TRAPPC9: variants seen among roughly 807,000 people sequenced by gnomAD.
TRAPPC9 encodes the protein trafficking protein particle complex subunit 9.
A neutral mutation model predicts 124.0 loss-of-function variants in TRAPPC9; 83 were observed. That is an observed-to-expected ratio of 0.67 (90% CI 0.56 to 0.80). The LOEUF (loss-of-function observed/expected upper bound fraction) is 0.80. Among genes scored for constraint, TRAPPC9 ranks in the 30% least tolerant of loss-of-function variants. The pLI is 0.00. For synonymous variants in TRAPPC9, 638 were observed against 617.5 expected, an observed-to-expected ratio of 1.03 and a Z score of -0.49; for missense variants, 1,302 against 1,508.3, an observed-to-expected ratio of 0.86 and a Z score of 2.27.
chr8:139,985,397 C>A (rs957167002), intron 19 of TRAPPC9, among the ~76,000 whole-genome samples: 1 of 152,208 alleles, frequency 6.6e-6, no homozygotes, highest in African/African-American at 2.4e-5. Context: ...TGACAGTTCC[C>A]TATGCAGCAG....
intron 19 of TRAPPC9, among the ~76,000 whole-genome samples, chr8:139,988,105 C>CT (rs773534032): frequency 0.019 from 2,164 of 114,470 alleles, 78 homozygotes; most frequent in African/African-American, 0.054. Flanking sequence ...GATACCACCT[C>CT]TTTTTTTTTT....
At chr8:139,749,428 CAT>C (rs1819167289) in intron 21 of TRAPPC9, among the ~76,000 whole-genome samples, 1 of 152,222 alleles carries the variant, frequency 6.6e-6, no homozygotes, top group Non-Finnish European at 1.5e-5. Context: ...CCCATTGTCA[CAT>C]GAGAGCAATG....
intron 19 of TRAPPC9, among the ~76,000 whole-genome samples, chr8:139,961,480 A>C (rs1215482777): frequency 8.1e-6 from 1 of 123,210 alleles, no homozygotes; most frequent in African/African-American, 2.6e-5. Context: ...GCCCCACCCT[A>C]CTGGGCAGGG....
chr8:139,739,692 G>A (rs758978468), intron 21 of TRAPPC9, among the ~76,000 whole-genome samples: 1 of 152,208 alleles, frequency 6.6e-6, no homozygotes, highest in South Asian at 2.1e-4. Flanking sequence ...CCAGCCACTC[G>A]GCCACATTCA....
At chr8:139,835,852 A>G (rs1239299871) in intron 21 of TRAPPC9, among the ~76,000 whole-genome samples, 1 of 152,180 alleles carries the variant, frequency 6.6e-6, no homozygotes, top group East Asian at 1.9e-4. Flanking sequence ...CAGAGAGTGC[A>G]AGAATCACCA....
At chr8:139,831,805 G>C (rs905970867) in intron 21 of TRAPPC9, among the ~76,000 whole-genome samples, 2 of 152,250 alleles carry the variant, frequency 1.3e-5, no homozygotes, top group Admixed American at 6.5e-5. Flanking sequence ...GGCCCAGGGG[G>C]ATGGACGTGC....
intron 19 of TRAPPC9, among the ~76,000 whole-genome samples, chr8:139,921,874 G>T (rs1418633842): frequency 6.6e-6 from 1 of 150,664 alleles, no homozygotes; most frequent in Non-Finnish European, 1.5e-5. Flanking sequence ...GCGTCTGGGA[G>T]TGCACACCTG....
chr8:140,202,487 CA>C (rs1405103465), intron 17 of TRAPPC9, among the ~76,000 whole-genome samples: 28 of 152,152 alleles, frequency 1.8e-4, no homozygotes, highest in Admixed American at 8.5e-4. Flanking sequence ...TAAATAGCCC[CA>C]GTGGTTGAGC....
Position 140,159,049 on chromosome 8 carries a change from G to A in TRAPPC9, c.2556+62410C>T, listed in dbSNP as rs865811117. Among the ~76,000 whole-genome samples the A allele has an allele frequency of 9.2e-5, 14 of 152,266 alleles. No homozygotes were observed. The South Asian group carries it at 1.5e-3, about 16-fold the overall frequency. On this transcript the variant is annotated intron_variant, in intron 17 of 22. Transcript: ENST00000438773. The stretch of plus-strand genomic sequence containing the variant: ...GTAAGACAGAGTCTCTGCCCTTGGC[G>A]GAAGTTCCCTGCCAGGGACGGACCC...
chr8:140,315,642 A>G (rs2066424138), intron 9 of TRAPPC9, among the ~76,000 whole-genome samples: 1 of 152,192 alleles, frequency 6.6e-6, no homozygotes, highest in Admixed American at 6.5e-5. Context: ...TTATTTTACA[A>G]TGATCTGTGA....
intron 21 of TRAPPC9, among the ~76,000 whole-genome samples, chr8:139,848,892 A>G (rs1169135435): frequency 3.3e-5 from 5 of 152,196 alleles, no homozygotes; most frequent in African/African-American, 1.2e-4. Context: ...ACCGTGCCAT[A>G]TGAGGCTAGA....
chr8:139,947,736 C>T (rs925380478), intron 19 of TRAPPC9, among the ~76,000 whole-genome samples: 5 of 150,506 alleles, frequency 3.3e-5, no homozygotes, highest in East Asian at 1.9e-4. Flanking sequence ...GTCATGGTGG[C>T]GGGCACCTGT....
At chr8:140,149,763 A>T (rs2061515966) in intron 17 of TRAPPC9, among the ~76,000 whole-genome samples, 1 of 152,182 alleles carries the variant, frequency 6.6e-6, no homozygotes, top group Admixed American at 6.5e-5. Context: ...GGTTCCAGGC[A>T]AATATTTACT....
intron 17 of TRAPPC9, among the ~76,000 whole-genome samples, chr8:140,208,105 G>A (rs1179325482): frequency 1.3e-5 from 2 of 150,626 alleles, no homozygotes; most frequent in African/African-American, 4.9e-5. Flanking sequence ...TGCCGAGATC[G>A]CACCGTTGCA....
chr8:139,791,581 G>GAC (rs137877446), intron 21 of TRAPPC9, among the ~76,000 whole-genome samples: 58 of 141,776 alleles, frequency 4.1e-4, no homozygotes, highest in Middle Eastern at 4.5e-3. Context: ...CCCCTGCACA[G>GAC]ACACACACAC....
chr8:139,946,198 C>T (rs919401725), intron 19 of TRAPPC9, among the ~76,000 whole-genome samples: 15 of 152,218 alleles, frequency 9.9e-5, no homozygotes, highest in African/African-American at 3.6e-4. Flanking sequence ...CAAAGACCCT[C>T]CTGGTGTGGT....
chr8:140,043,951 C>T (rs1841421262), intron 17 of TRAPPC9, among the ~76,000 whole-genome samples: 1 of 152,154 alleles, frequency 6.6e-6, no homozygotes, highest in African/African-American at 2.4e-5. Context: ...ACCATGAGGC[C>T]TGCCTACAGC....
chr8:139,964,225 A>AAG (rs1835547549), intron 19 of TRAPPC9, among the ~76,000 whole-genome samples: 1 of 24,580 alleles, frequency 4.1e-5, no homozygotes, highest in Non-Finnish European at 8.0e-5. Context: ...ACTCTGTCTC[A>AAG]AAAAAAAAAA....
Position 140,311,461 on chromosome 8 carries a change from A to C in TRAPPC9, c.1496-87T>G. 12 of 1,463,692 alleles carry C rather than the reference A, an allele frequency of 8.2e-6. No individual in the cohort carries two copies. In the South Asian group the frequency reaches 1.3e-4, roughly 16 times the overall value. 90.7% of individuals were successfully genotyped at this position (1,463,692 alleles called of 1,614,324 possible). A position where few individuals can be genotyped will look rare whatever the true frequency, so the allele number is the denominator to read the frequency against. On this transcript the variant is annotated intron_variant, in intron 9 of 22. Transcript: ENST00000438773. ...CATTTTACTTGGGGCATTTCATGACAGTCCAGTGAGTCCAATCTTCTGACA... is the reference window on the plus strand; with the variant it reads ...CATTTTACTTGGGGCATTTCATGACCGTCCAGTGAGTCCAATCTTCTGACA...
Sources: allele counts gnomAD v4.1 joint callset (sites outside exome capture counted in the v4.1 genomes callset), GRCh38; gene constraint gnomAD v4.1.1; transcripts MANE v1.5; gene names NCBI Gene and HGNC (gene_info 2026-07-23, HGNC 2026-07-21).